ARRB1: variants seen among roughly 807,000 people sequenced by gnomAD.
ARRB1 encodes the protein arrestin beta 1, also known as beta-arrestin-1.
A neutral mutation model predicts 56.8 loss-of-function variants in ARRB1; 21 were observed. That is an observed-to-expected ratio of 0.37 (90% CI 0.26 to 0.53). The LOEUF (loss-of-function observed/expected upper bound fraction) is 0.53, where lower values mean the gene tolerates loss of function less well. Ranked by LOEUF, ARRB1 falls within the 20% of genes least tolerant of loss-of-function variation. The probability of loss-of-function intolerance (pLI) is 0.88; values close to 1 mark genes in which losing one functional copy is unlikely to be tolerated. For synonymous variants in ARRB1, 210 were observed against 218.6 expected, an observed-to-expected ratio of 0.96 and a Z score of 0.35; for missense variants, 424 against 553.7, an observed-to-expected ratio of 0.77 and a Z score of 2.35.
chr11:75,294,602 TAAATA>T lies in ARRB1; in HGVS notation c.21-4568_21-4564del, dbSNP rs1565122554. Among the ~76,000 whole-genome samples, 734 of 87,394 alleles carry T rather than the reference TAAATA, an allele frequency of 8.4e-3. 14 individuals carry two copies. The highest frequency in any genetic ancestry group is 0.024 in the African/African-American group (529 of 22,362). The allele number at this position is 87,394 out of a possible 152,430, so 57.3% of individuals were successfully genotyped here. ...ATAAATAAATAAATAAATAAATAAA[TAAATA>T]ACTTAAAATATTTTTTTAATGAAAT... On this transcript the variant is annotated intron_variant, in intron 1 of 15. Coordinates refer to ENST00000420843, the MANE Select transcript of ARRB1 (RefSeq NM_004041.5).
intron 4 of ARRB1, 141 bp downstream of exon 4, chr11:75,284,094 G>A: frequency 1.2e-6 from 1 of 820,874 alleles, no homozygotes. Context: ...TCCCAGGCTG[G>A]AGGAGGCAAC....
rs141218825 is a variant in ARRB1 at position 75,311,945 on chromosome 11, G to A, written c.21-21906C>T. The A allele has an allele frequency of 8.1e-3, 7,979 of 979,178 alleles. 52 individuals carry two copies. Among genetic ancestry groups the A allele is most frequent in the Non-Finnish European group, 9.5e-3 (6,836 of 720,164 alleles). 60.7% of individuals were successfully genotyped at this position (979,178 alleles called of 1,614,324 possible). A position where few individuals can be genotyped will look rare whatever the true frequency, so the allele number is the denominator to read the frequency against. On this transcript the variant is annotated intron_variant, in intron 1 of 15. Transcript: ENST00000420843. ...AGGGGCTGGCTGAGAGGGGACGGCC[G>A]GCAGAGGAACCAAGCAGCAGGGCCT... is the stretch of plus-strand genomic sequence containing the variant.
chr11:75,283,393 T>C lies in ARRB1; in HGVS notation c.248A>G (p.Asn83Ser). ...LTFRKDLFVANVQSFPPAPED... is the reference protein window; with the variant it reads ...LTFRKDLFVASVQSFPPAPED... Reference sequence around the variant, plus strand: ...GGGGGCCGGTGGGAACGACTGTACGTTGGCCACAAACAGGTCCTTGCGAAA... The same window carrying C: ...GGGGGCCGGTGGGAACGACTGTACGCTGGCCACAAACAGGTCCTTGCGAAA... The change falls in exon 5 of 16, where the codon AAC becomes AGC. Residue 83 changes from asparagine (N) to serine (S), a missense_variant. Physicochemically the swap from Asn to Ser is conservative, Grantham distance 46. Around this residue, in one of 3 missense-constraint regions of ARRB1, gnomAD observed 301 missense variants for 387.9 expected, o/e 0.78. Transcript: ENST00000420843. The C allele has an allele frequency of 1.2e-6, 2 of 1,614,140 alleles. No homozygotes were observed. Among genetic ancestry groups the C allele is most frequent in the Non-Finnish European group, 1.7e-6 (2 of 1,179,988 alleles).
At chr11:75,295,976 G>A (rs538427449) in intron 1 of ARRB1, among the ~76,000 whole-genome samples, 34 of 152,272 alleles carry the variant, frequency 2.2e-4, no homozygotes, top group African/African-American at 8.2e-4. Flanking sequence ...CTTGAGGCCA[G>A]GAGTTTGAGA....
At chr11:75,318,785 G>GC (rs1181890077) in intron 1 of ARRB1, among the ~76,000 whole-genome samples, 1 of 152,056 alleles carries the variant, frequency 6.6e-6, no homozygotes, top group Non-Finnish European at 1.5e-5. Flanking sequence ...CATAACTGTT[G>GC]CATTTCTAAA....
chr11:75,299,275 A>G (rs2140458118), intron 1 of ARRB1, among the ~76,000 whole-genome samples: 1 of 151,910 alleles, frequency 6.6e-6, no homozygotes, highest in East Asian at 1.9e-4. Flanking sequence ...GAGAGAATGA[A>G]AAAAAGGAAA....
intron 1 of ARRB1, among the ~76,000 whole-genome samples, chr11:75,301,860 T>G (rs960787590): frequency 6.6e-6 from 1 of 152,118 alleles, no homozygotes; most frequent in Non-Finnish European, 1.5e-5. Flanking sequence ...CCACCATCAG[T>G]GCACCTGCTT....
chr11:75,287,786 G>A (rs763175848), intron 2 of ARRB1, among the ~76,000 whole-genome samples: 8 of 152,228 alleles, frequency 5.3e-5, no homozygotes, highest in East Asian at 1.9e-4. Flanking sequence ...CGCGGGCCGC[G>A]CTGTGTTCTT....
rs754794767 is a variant in ARRB1, at chr11:75,303,672, C to T, written c.21-13633G>A. The T allele has an allele frequency of 8.5e-5, 39 of 456,310 alleles. No individual in the cohort carries two copies. In the Middle Eastern group the frequency reaches 9.8e-4, roughly 11 times the overall value. The allele number at this position is 456,310 out of a possible 1,614,324, so 28.3% of individuals were successfully genotyped here. ...TACAGGGCAGCGGAAGGCAGACACTCAGTGAACAAGCAAGCCCTCCCTCAA... is the reference window on the plus strand; with the variant it reads ...TACAGGGCAGCGGAAGGCAGACACTTAGTGAACAAGCAAGCCCTCCCTCAA... On this transcript the variant is annotated intron_variant, in intron 1 of 15. Coordinates refer to ENST00000420843, the MANE Select transcript of ARRB1 (RefSeq NM_004041.5).
At chr11:75,300,865 G>A (rs1361639957) in intron 1 of ARRB1, among the ~76,000 whole-genome samples, 1 of 150,884 alleles carries the variant, frequency 6.6e-6, no homozygotes, top group Non-Finnish European at 1.5e-5. Flanking sequence ...CTGCGCGGGA[G>A]GCTGAGGCAG....
chr11:75,330,366 C>T (rs1295785743), intron 1 of ARRB1, among the ~76,000 whole-genome samples: 2 of 152,152 alleles, frequency 1.3e-5, no homozygotes, highest in Non-Finnish European at 2.9e-5. Context: ...CTCCCCACCC[C>T]ACCCCATAAC....
intron 1 of ARRB1, among the ~76,000 whole-genome samples, chr11:75,330,743 C>G (rs1461530127): frequency 6.6e-6 from 1 of 152,150 alleles, no homozygotes; most frequent in African/African-American, 2.4e-5. Flanking sequence ...TGACCTTGTT[C>G]CAGGCCCGGC....
intron 3 of ARRB1, among the ~76,000 whole-genome samples, chr11:75,285,577 C>T (rs9665799): frequency 1.4e-3 from 217 of 152,232 alleles, no homozygotes; most frequent in African/African-American, 4.6e-3. Context: ...GGTGGGGAAC[C>T]GGTAAGCATA....
rs909908367 is a variant in ARRB1, at chr11:75,266,145, G to A, written c.*18C>T. 2 of 1,602,130 alleles carry A rather than the reference G, an allele frequency of 1.2e-6. No individual in the cohort carries two copies. The highest frequency in any genetic ancestry group is 1.3e-5 in the African/African-American group (1 of 74,824). On this transcript the variant is annotated 3_prime_UTR_variant, in exon 16 of 16. Coordinates refer to ENST00000420843, the MANE Select transcript of ARRB1 (RefSeq NM_004041.5). ...ACGAGAGTGGAGCCGGAGCCACGTG[G>A]AGGCAGGGCCGGCCCGTCTATCTGT... is the stretch of plus-strand genomic sequence containing the variant.
intron 10 of ARRB1, among the ~76,000 whole-genome samples, chr11:75,275,123 ATTTAT>A (rs71036039): frequency 7.5e-4 from 103 of 138,034 alleles, no homozygotes; most frequent in Middle Eastern, 3.5e-3. Flanking sequence ...TTTAATTTAA[ATTTAT>A]TTTATTTTAT....
chr11:75,294,191 G>T (rs71467872), intron 1 of ARRB1, among the ~76,000 whole-genome samples: 8 of 152,146 alleles, frequency 5.3e-5, no homozygotes, highest in African/African-American at 1.9e-4. Flanking sequence ...GGGCAGAAGA[G>T]GGTCTGTAGA....
rs772067250 is a variant in ARRB1, at chr11:75,312,202, G to A, written c.21-22163C>T. 113 of 1,232,476 alleles carry A rather than the reference G, an allele frequency of 9.2e-5. 1 individual carries two copies. The highest frequency in any genetic ancestry group is 1.4e-4 in the Admixed American group (6 of 43,492). The allele number at this position is 1,232,476 out of a possible 1,614,324, so 76.3% of individuals were successfully genotyped here. A position where few individuals can be genotyped will look rare whatever the true frequency, so the allele number is the denominator to read the frequency against. ...GTGAGCTCAGCCTTTCCCAGCAGCC[G>A]TCCCTAGGAATGATGGGAAATGCAC... On this transcript the variant is annotated intron_variant, in intron 1 of 15. Transcript: ENST00000420843.
rs1182001738 is a variant in ARRB1, at chr11:75,351,585, C to A, written c.20+3G>T. 6.8e-7 allele frequency: 1 copy of A among 1,476,356 alleles called. No individual in the cohort carries two copies. Among genetic ancestry groups the A allele is most frequent in the Non-Finnish European group, 8.9e-7 (1 of 1,118,938 alleles). The allele number at this position is 1,476,356 out of a possible 1,614,324, so 91.5% of individuals were successfully genotyped here. A position where few individuals can be genotyped will look rare whatever the true frequency, so the allele number is the denominator to read the frequency against. ...CCCCGCCGGGCGGCCGCCCTGCACT[C>A]ACCGGGTCCCTTTGTCGCCCATGGT... On this transcript the variant is annotated splice_donor_region_variant and intron_variant, in intron 1 of 15. Coordinates refer to ENST00000420843, the MANE Select transcript of ARRB1 (RefSeq NM_004041.5).
chr11:75,266,000 T>G lies in ARRB1; in HGVS notation c.*163A>C, dbSNP rs111257846. Reference sequence around the variant, plus strand: ...TGTTGGCGTGGTGATGTGGGGCCAATCCTGAGGCCAGAGGTTCATCACCGT... The same window carrying G: ...TGTTGGCGTGGTGATGTGGGGCCAAGCCTGAGGCCAGAGGTTCATCACCGT... On this transcript the variant is annotated 3_prime_UTR_variant, in exon 16 of 16. Coordinates refer to ENST00000420843, the MANE Select transcript of ARRB1 (RefSeq NM_004041.5). 25 of 627,562 alleles carry G rather than the reference T, an allele frequency of 4.0e-5. 1 individual carries two copies. Among genetic ancestry groups the G allele is most frequent in the African/African-American group, 3.5e-4 (19 of 54,782 alleles). 38.9% of individuals were successfully genotyped at this position (627,562 alleles called of 1,614,324 possible).
Sources: allele counts gnomAD v4.1 joint callset (sites outside exome capture counted in the v4.1 genomes callset), GRCh38; gene constraint gnomAD v4.1.1; regional missense constraint gnomAD v4.1.1; transcripts MANE v1.5; gene names NCBI Gene and HGNC (gene_info 2026-07-23, HGNC 2026-07-21).